Variants in CSMD2 observed in about 807,000 individuals in gnomAD.
CSMD2 encodes CUB and Sushi multiple domains 2.
CSMD2 carries 130 observed loss-of-function variants against 398.5 expected under a neutral mutation model. The ratio of observed to expected loss-of-function variants is 0.33; its 90% CI spans 0.28 to 0.38. CSMD2 has a LOEUF of 0.38. CSMD2 is among the 10% of genes least tolerant of loss of function. The probability of loss-of-function intolerance (pLI) is 1.00; values close to 1 mark genes in which losing one functional copy is unlikely to be tolerated. For missense variants in CSMD2, 3,829 were observed against 4,764.9 expected (o/e 0.80, Z 5.78); for synonymous variants, 1,828 against 1,908.5 (o/e 0.96, Z 1.10).
chr1:33,889,002 C>T (rs1641798759), intron 5 of CSMD2, among the ~76,000 whole-genome samples: 1 of 152,066 alleles, frequency 6.6e-6, no homozygotes, highest in Non-Finnish European at 1.5e-5. Context: ...CATCTCCTGA[C>T]CTTGTGATCC....
At chr1:33,583,001 G>C (rs1638835333) in intron 47 of CSMD2, among the ~76,000 whole-genome samples, 1 of 152,190 alleles carries the variant, frequency 6.6e-6, no homozygotes, top group African/African-American at 2.4e-5. Context: ...TACTTCTCCT[G>C]CTCTCTGTCA....
chr1:34,137,269 G>A (rs9426003), intron 1 of CSMD2, among the ~76,000 whole-genome samples: 34,737 of 148,976 alleles, frequency 0.23, 4,714 homozygotes, highest in Admixed American at 0.36. Context: ...AAGAGACTGC[G>A]GCAAGCAAGG....
In CSMD2 at chr1:33,514,374, T is replaced by G. The variant is rs939266401; in HGVS notation, c.*2250A>C. 2 of 152,260 alleles carry G rather than the reference T, an allele frequency of 1.3e-5. No homozygotes were observed. Among genetic ancestry groups the G allele is most frequent in the African/African-American group, 4.8e-5 (2 of 41,342 alleles). 9.4% of individuals were successfully genotyped at this position (152,260 alleles called of 1,614,324 possible). A position where few individuals can be genotyped will look rare whatever the true frequency, so the allele number is the denominator to read the frequency against. ...TTTTTTGTCTTTGTTTTACTTTTTT[T>G]TTTTTCCTCATGGGATGGTGATGGG... is the stretch of plus-strand genomic sequence containing the variant. On this transcript the variant is annotated 3_prime_UTR_variant, in exon 71 of 71. Coordinates refer to ENST00000373381, the MANE Select transcript of CSMD2 (RefSeq NM_001281956.2).
intron 22 of CSMD2, among the ~76,000 whole-genome samples, chr1:33,707,679 GCACACGCGCGCGCGCGCACA>G (rs1272132895): frequency 9.7e-6 from 1 of 102,774 alleles, no homozygotes; most frequent in South Asian, 3.6e-4. Context: ...ACGCACGCGT[GCACACGCGCGCGCGCGCACA>G]CACACACACA....
chr1:33,795,644 C>T (rs1440028182), intron 10 of CSMD2, among the ~76,000 whole-genome samples: 1 of 152,212 alleles, frequency 6.6e-6, no homozygotes, highest in Non-Finnish European at 1.5e-5. Context: ...TCTGACTAAC[C>T]TTGACAAGGG....
intron 6 of CSMD2, among the ~76,000 whole-genome samples, chr1:33,841,651 A>AC (rs397750524): frequency 6.6e-6 from 1 of 151,570 alleles, no homozygotes; most frequent in Non-Finnish European, 1.5e-5. Context: ...GAAAAAAAAA[A>AC]CCTTAAGGAA....
At chr1:33,674,598 C>G (rs968825041) in intron 25 of CSMD2, among the ~76,000 whole-genome samples, 1 of 152,186 alleles carries the variant, frequency 6.6e-6, no homozygotes, top group Non-Finnish European at 1.5e-5. Flanking sequence ...CAGCTCTGCA[C>G]CAAGCAGACC....
At chr1:34,036,005 A>AT (rs1651075989) in intron 2 of CSMD2, among the ~76,000 whole-genome samples, 1 of 152,194 alleles carries the variant, frequency 6.6e-6, no homozygotes, top group African/African-American at 2.4e-5. Flanking sequence ...ATAAAACACT[A>AT]TAGTCACGAT....
chr1:34,106,061 T>G (rs1246006871), intron 1 of CSMD2, among the ~76,000 whole-genome samples: 1 of 152,184 alleles, frequency 6.6e-6, no homozygotes, highest in East Asian at 1.9e-4. Flanking sequence ...GATGGCTTAG[T>G]TCCAGGGTTT....
chr1:34,062,458 G>A (rs1023600765), intron 2 of CSMD2, among the ~76,000 whole-genome samples: 86 of 152,152 alleles, frequency 5.7e-4, no homozygotes, highest in Admixed American at 2.6e-4. Flanking sequence ...AGGAAGTCCC[G>A]CTGTGGCCAT....
intron 3 of CSMD2, among the ~76,000 whole-genome samples, chr1:33,951,938 T>G (rs1570608375): frequency 6.6e-6 from 1 of 152,236 alleles, no homozygotes; most frequent in African/African-American, 2.4e-5. Flanking sequence ...ATTTTCATCA[T>G]CTGGCAAATC....
chr1:33,692,060 T>A (rs60125083), intron 25 of CSMD2, among the ~76,000 whole-genome samples: 7,953 of 152,238 alleles, frequency 0.052, 579 homozygotes, highest in African/African-American at 0.16. Context: ...ATGCTATGCA[T>A]CCTCTTGGAA....
intron 1 of CSMD2, among the ~76,000 whole-genome samples, chr1:34,159,397 G>C (rs952585059): frequency 6.7e-6 from 1 of 150,182 alleles, no homozygotes; most frequent in African/African-American, 2.5e-5. Flanking sequence ...TAGAAGTGTG[G>C]GATTCAGGCC....
At chr1:33,670,400 A>G (rs1557703770) in intron 25 of CSMD2, among the ~76,000 whole-genome samples, 1 of 152,236 alleles carries the variant, frequency 6.6e-6, no homozygotes, top group Non-Finnish European at 1.5e-5. Context: ...TGGTTCATCC[A>G]AACTCACCCA....
chr1:34,004,454 A>T (rs1223960490), intron 3 of CSMD2, among the ~76,000 whole-genome samples: 1 of 109,834 alleles, frequency 9.1e-6, no homozygotes, highest in African/African-American at 4.9e-5. Context: ...CCTAGTAATC[A>T]AGGTTTTTTT....
At chr1:33,957,929 CTGTG>C (rs72457395) in intron 3 of CSMD2, among the ~76,000 whole-genome samples, 8,960 of 150,148 alleles carry the variant, frequency 0.06, 815 homozygotes, top group African/African-American at 0.2. Flanking sequence ...AACTCAGTCA[CTGTG>C]TGTGTGTGTG....
chr1:34,037,008 C>G (rs919637264), intron 2 of CSMD2, among the ~76,000 whole-genome samples: 6 of 152,104 alleles, frequency 3.9e-5, no homozygotes, highest in African/African-American at 1.4e-4. Flanking sequence ...GGTACATATG[C>G]CCTGGGTCTG....
At chr1:34,144,713 A>T (rs1486709825) in intron 1 of CSMD2, among the ~76,000 whole-genome samples, 1 of 152,230 alleles carries the variant, frequency 6.6e-6, no homozygotes. Flanking sequence ...AGTTCATTCC[A>T]AACTTGAGAG....
chr1:33,826,908 TG>T (rs1193249960), intron 6 of CSMD2, among the ~76,000 whole-genome samples: 1 of 151,954 alleles, frequency 6.6e-6, no homozygotes, highest in African/African-American at 2.4e-5. Flanking sequence ...TACCCAGGAG[TG>T]GTGACAACAA....
Sources: allele counts gnomAD v4.1 joint callset (sites outside exome capture counted in the v4.1 genomes callset), GRCh38; gene constraint gnomAD v4.1.1; transcripts MANE v1.5; gene names NCBI Gene and HGNC (gene_info 2026-07-23, HGNC 2026-07-21).